Variants in ATXN7L1 observed in about 807,000 individuals in gnomAD.
The protein encoded by ATXN7L1 is ataxin 7 like 1.
In ATXN7L1, 15 loss-of-function variants were observed where a neutral mutation model predicts 70.8. The ratio of observed to expected loss-of-function variants is 0.21; its 90% confidence interval spans 0.14 to 0.33. The LOEUF is 0.33. Among genes scored for constraint, ATXN7L1 ranks in the 10% least tolerant of loss-of-function variants. ATXN7L1 has a pLI of 1.00. For synonymous variants in ATXN7L1, 440 were observed against 445.1 expected (o/e 0.99, Z 0.14); for missense variants, 975 against 1,097.1 (o/e 0.89, Z 1.57).
chr7:105,669,718 G>A (rs943782788), intron 3 of ATXN7L1, among the ~76,000 whole-genome samples: 1 of 152,002 alleles, frequency 6.6e-6, no homozygotes, highest in Non-Finnish European at 1.5e-5. Flanking sequence ...CTGGGAGTTT[G>A]AGACCAGCCA....
Position 105,625,100 on chromosome 7 carries a change from T to C in ATXN7L1, c.1203-833A>G, listed in dbSNP as rs1178306936. Among the ~76,000 whole-genome samples, 9 of 152,162 alleles carry C rather than the reference T, an allele frequency of 5.9e-5. No individual in the cohort carries two copies. In the East Asian group the frequency reaches 1.5e-3, roughly 26 times the overall value. On this transcript the variant is annotated intron_variant, in intron 7 of 11. Coordinates refer to ENST00000419735, the MANE Select transcript of ATXN7L1 (RefSeq NM_020725.2). ...ACGTTCTTTGATACAAAGCTATGAT[T>C]TTAGGAAACTGTTATACTGGCATGA...
At chr7:105,646,786 A>C (rs1395913219) in intron 4 of ATXN7L1, among the ~76,000 whole-genome samples, 1 of 151,624 alleles carries the variant, frequency 6.6e-6, no homozygotes, top group Non-Finnish European at 1.5e-5. Context: ...AAAAAAAAAA[A>C]ATTATAAATA....
At chr7:105,626,037 T>C (rs569076083) in intron 7 of ATXN7L1, among the ~76,000 whole-genome samples, 16 of 152,384 alleles carry the variant, frequency 1.0e-4, no homozygotes, top group East Asian at 3.9e-4. Flanking sequence ...CTGGATACTT[T>C]GTTGCTTTGA....
At chr7:105,762,679 A>G (rs1800707216) in intron 3 of ATXN7L1, among the ~76,000 whole-genome samples, 1 of 152,184 alleles carries the variant, frequency 6.6e-6, no homozygotes, top group Admixed American at 6.5e-5. Context: ...GAGCCTGGCA[A>G]GAGTCTCACT....
At chr7:105,615,465 G>A (rs892437369) in intron 9 of ATXN7L1, among the ~76,000 whole-genome samples, 1 of 152,172 alleles carries the variant, frequency 6.6e-6, no homozygotes, top group South Asian at 2.1e-4. Flanking sequence ...ACTGACTCGC[G>A]GCTGCTGGCT....
In ATXN7L1 at chr7:105,614,192, C is replaced by G. The variant is rs1338048178; in HGVS notation, c.2142G>C (p.Leu714=). ...GCAGCGAGGTCCGTCCTGAGGGCTC[C>G]AGTTTGGCACTGAGTGGGCTCACCC... ...NNGVSPLSAK[L]EPSGRTSLPG... Residue 714 remains leucine (L), a synonymous_variant, in exon 10 of 12, where the codon CTG becomes CTC. Transcript: ENST00000419735. The surrounding 1 kb of genome is among the most constrained non-coding windows in gnomAD (Gnocchi z 4.3). The G allele has an allele frequency of 6.4e-7, 1 of 1,551,718 alleles. No homozygotes were observed. The highest frequency in any genetic ancestry group is 2.0e-5 in the Admixed American group (1 of 51,002).
intron 2 of ATXN7L1, among the ~76,000 whole-genome samples, chr7:105,813,562 C>T (rs554465093): frequency 1.3e-5 from 2 of 152,270 alleles, no homozygotes; most frequent in East Asian, 3.9e-4. Context: ...GTCTCGAACT[C>T]CCGACCTCAG....
chr7:105,832,657 A>G (rs1034975418), intron 2 of ATXN7L1, among the ~76,000 whole-genome samples: 3 of 152,118 alleles, frequency 2.0e-5, no homozygotes, highest in Non-Finnish European at 4.4e-5. Context: ...TGCCTGCCTG[A>G]CTTCTCCACG....
intron 3 of ATXN7L1, among the ~76,000 whole-genome samples, chr7:105,682,147 C>T (rs565146015): frequency 6.1e-4 from 93 of 152,058 alleles, no homozygotes; most frequent in Non-Finnish European, 1.2e-3. Flanking sequence ...ATGGCTTGAA[C>T]CCAGGAGGCG....
chr7:105,875,504 T>C (rs775084841), intron 2 of ATXN7L1, among the ~76,000 whole-genome samples: 1 of 151,998 alleles, frequency 6.6e-6, no homozygotes, highest in Non-Finnish European at 1.5e-5. Flanking sequence ...TCAGAAATTT[T>C]AACGCCCCAC....
At chr7:105,799,204 G>A (rs888437654) in intron 2 of ATXN7L1, among the ~76,000 whole-genome samples, 1 of 152,232 alleles carries the variant, frequency 6.6e-6, no homozygotes, top group African/African-American at 2.4e-5. Context: ...AAGGCACAAG[G>A]AGAGGCCTTT....
chr7:105,804,381 A>G (rs866934699), intron 2 of ATXN7L1, among the ~76,000 whole-genome samples: 1 of 152,094 alleles, frequency 6.6e-6, no homozygotes, highest in African/African-American at 2.4e-5. Flanking sequence ...AGCATAACCC[A>G]CCCTGCCCCA....
At chr7:105,676,547 C>A (rs1275953256) in intron 3 of ATXN7L1, among the ~76,000 whole-genome samples, 1 of 152,116 alleles carries the variant, frequency 6.6e-6, no homozygotes, top group African/African-American at 2.4e-5. Flanking sequence ...ATTTAAAATA[C>A]CTGATAGAAT....
intron 5 of ATXN7L1, among the ~76,000 whole-genome samples, chr7:105,641,637 T>C (rs1480098041): frequency 1.3e-5 from 2 of 152,248 alleles, no homozygotes; most frequent in Non-Finnish European, 2.9e-5. Context: ...TTTCTGGGGA[T>C]GTTGCCACCA....
chr7:105,757,781 G>A (rs1474535174), intron 3 of ATXN7L1, among the ~76,000 whole-genome samples: 1 of 150,816 alleles, frequency 6.6e-6, no homozygotes, highest in Non-Finnish European at 1.5e-5. Context: ...GTAGCAATAG[G>A]GTCTCATTAT....
chr7:105,835,536 G>C (rs942410962), intron 2 of ATXN7L1, among the ~76,000 whole-genome samples: 1 of 151,968 alleles, frequency 6.6e-6, no homozygotes, highest in African/African-American at 2.4e-5. Flanking sequence ...CCACGCACTT[G>C]AAATCAGCAT....
chr7:105,705,876 C>T (rs1485449507), intron 3 of ATXN7L1, among the ~76,000 whole-genome samples: 1 of 152,236 alleles, frequency 6.6e-6, no homozygotes, highest in Non-Finnish European at 1.5e-5. Context: ...CCACTGAGCA[C>T]ACCTCCACCT....
chr7:105,805,782 C>T (rs1807490166), intron 2 of ATXN7L1, among the ~76,000 whole-genome samples: 1 of 152,012 alleles, frequency 6.6e-6, no homozygotes, highest in Admixed American at 6.5e-5. Flanking sequence ...AGAGCAAATG[C>T]AGTGTGGTGA....
chr7:105,718,974 C>T (rs981304153), intron 3 of ATXN7L1, among the ~76,000 whole-genome samples: 8 of 152,218 alleles, frequency 5.3e-5, no homozygotes, highest in Admixed American at 1.3e-4. Context: ...GAACAGCAGC[C>T]GGGAAGCAAG....
Sources: gnomAD v4.1 joint callset for allele counts (sites outside exome capture counted in the v4.1 genomes callset) on GRCh38, gnomAD v4.1.1 for gene constraint, Gnocchi (gnomAD v3.1) non-coding constraint, MANE v1.5 for transcripts, NCBI Gene and HGNC (gene_info 2026-07-23, HGNC 2026-07-21) for gene names.